The following RP1 variants were observed in gnomAD, a reference collection of about 807,000 sequenced individuals.
The protein encoded by RP1 is RP1 axonemal microtubule associated.
A neutral mutation model predicts 14.8 loss-of-function variants in RP1; 16 were observed. The observed-to-expected ratio is 1.08, with a 90% CI of 0.73 to 1.65. The LOEUF (loss-of-function observed/expected upper bound fraction) is 1.65, where lower values mean the gene tolerates loss of function less well. RP1 is among the 40% of genes most tolerant of loss of function. The pLI, the probability that RP1 is intolerant of heterozygous loss-of-function variation, is 0.00. For synonymous variants in RP1, 876 were observed against 883.6 expected (o/e 0.99, Z 0.15); for missense variants, 2,631 against 2,535.0 (o/e 1.04, Z -0.81).
intron 16 of RP1, among the ~76,000 whole-genome samples, chr8:54,721,105 G>A (rs1808525222): frequency 6.6e-6 from 1 of 152,182 alleles, no homozygotes; most frequent in Non-Finnish European, 1.5e-5. Context: ...AGATAGCTTA[G>A]AATAGGAATA....
At chr8:54,784,754 A>C (rs1001435031) in intron 24 of RP1, among the ~76,000 whole-genome samples, 11 of 152,094 alleles carry the variant, frequency 7.2e-5, no homozygotes, top group Admixed American at 2.0e-4. Context: ...GCCATACAAC[A>C]TATTTAATAA....
In RP1 at chr8:54,629,226, G is replaced by T; in HGVS notation, c.5344G>T (p.Glu1782Ter). 1 of 1,614,060 alleles carries T rather than the reference G, an allele frequency of 6.2e-7. No individual in the cohort carries two copies. The highest frequency in any genetic ancestry group is 8.5e-7 in the Non-Finnish European group (1 of 1,179,946). ...VDTLLDNNSSEVPYSHFGNLA... is the reference protein window; with the variant it reads ...VDTLLDNNSS Reference sequence around the variant, plus strand: ...CACCCTACTTGATAATAACAGCAGTGAGGTACCATATTCACATTTTGGTAA... The same window carrying T: ...CACCCTACTTGATAATAACAGCAGTTAGGTACCATATTCACATTTTGGTAA... The change falls in exon 4 of 4, where the codon GAG becomes TAG. Residue 1782 changes from glutamate to a stop codon, truncating the protein, a stop_gained. Transcript: ENST00000220676. LOFTEE classifies it low-confidence loss of function (END_TRUNC).
intron 24 of RP1, among the ~76,000 whole-genome samples, chr8:54,834,706 T>C (rs778054850): frequency 5.9e-5 from 9 of 151,988 alleles, no homozygotes; most frequent in Non-Finnish European, 1.0e-4. Context: ...TTGCTTCCTT[T>C]TAAAATTTAC....
chr8:54,722,606 A>G (rs1259076732), intron 16 of RP1, among the ~76,000 whole-genome samples: 1 of 152,108 alleles, frequency 6.6e-6, no homozygotes, highest in Non-Finnish European at 1.5e-5. Flanking sequence ...TCACTCCCCA[A>G]AACATTTGGG....
chr8:54,705,424 G>GCTTCCCGAGCCTTGGTATTCAGAGT (rs1406383380), intron 14 of RP1, among the ~76,000 whole-genome samples: 2 of 152,154 alleles, frequency 1.3e-5, no homozygotes, highest in African/African-American at 4.8e-5. Context: ...AGCCAAGGAA[G>GCTTCCCGAGCCTTGGTATTCAGAGT]CTTCCCGAGC....
intron 12 of RP1, among the ~76,000 whole-genome samples, chr8:54,697,300 A>C (rs556246463): frequency 6.6e-6 from 1 of 152,288 alleles, no homozygotes; most frequent in South Asian, 2.1e-4. Context: ...CATGCCTGTA[A>C]TCCCAGAACT....
chr8:54,807,392 C>T (rs763751539), intron 24 of RP1, among the ~76,000 whole-genome samples: 1 of 152,124 alleles, frequency 6.6e-6, no homozygotes, highest in Non-Finnish European at 1.5e-5. Context: ...TCTTAACTTG[C>T]TAAAACATTC....
chr8:54,559,943 G>T (rs1423429854), intron 1 of RP1, among the ~76,000 whole-genome samples: 1 of 152,236 alleles, frequency 6.6e-6, no homozygotes, highest in Non-Finnish European at 1.5e-5. Context: ...AGTTTAATAT[G>T]ACTCTGTGGT....
intron 1 of RP1, among the ~76,000 whole-genome samples, chr8:54,567,088 C>T (rs1444036427): frequency 1.3e-5 from 2 of 152,156 alleles, no homozygotes; most frequent in Non-Finnish European, 2.9e-5. Context: ...CCTGATGTTC[C>T]TATAGCTGAT....
At chr8:54,634,603 A>T (rs1175260625), downstream of RP1, among the ~76,000 whole-genome samples, 1 of 152,166 alleles carries the variant, frequency 6.6e-6, no homozygotes, top group East Asian at 1.9e-4. Flanking sequence ...TTAAGTGCTA[A>T]GTTATTAAGG....
chr8:54,740,936 T>G (rs1809068134), intron 19 of RP1, among the ~76,000 whole-genome samples: 1 of 151,324 alleles, frequency 6.6e-6, no homozygotes, highest in Non-Finnish European at 1.5e-5. Flanking sequence ...GTCGGGAGGC[T>G]GAGGCAGGAG....
chr8:54,634,060 A>G (rs532654395), downstream of RP1, among the ~76,000 whole-genome samples: 1 of 152,264 alleles, frequency 6.6e-6, no homozygotes, highest in African/African-American at 2.4e-5. Context: ...AAACAAAATG[A>G]CTTTCTATTC....
chr8:54,698,542 A>T (rs1807930479), intron 12 of RP1, among the ~76,000 whole-genome samples: 1 of 152,232 alleles, frequency 6.6e-6, no homozygotes, highest in African/African-American at 2.4e-5. Context: ...TCCTGGGTAT[A>T]TACCCAAAGG....
chr8:54,664,769 C>T (rs532894599), intron 7 of RP1, among the ~76,000 whole-genome samples: 2 of 152,200 alleles, frequency 1.3e-5, no homozygotes, highest in East Asian at 3.9e-4. Flanking sequence ...TGTATGTTCT[C>T]ACTTATAAGT....
chr8:54,666,598 C>A (rs1255331833), intron 7 of RP1, among the ~76,000 whole-genome samples: 1 of 151,974 alleles, frequency 6.6e-6, no homozygotes, highest in Non-Finnish European at 1.5e-5. Context: ...GGGAAGTACC[C>A]ACATGCCTAT....
intron 24 of RP1, among the ~76,000 whole-genome samples, chr8:54,828,529 T>C (rs967890546): frequency 6.6e-6 from 1 of 152,196 alleles, no homozygotes; most frequent in African/African-American, 2.4e-5. Context: ...AGAAGCTTCC[T>C]GAAACCCTCA....
intron 15 of RP1, among the ~76,000 whole-genome samples, chr8:54,709,032 GT>G (rs1808231475): frequency 6.6e-6 from 1 of 152,120 alleles, no homozygotes; most frequent in East Asian, 1.9e-4. Flanking sequence ...TGTGAGCCTG[GT>G]TAAGTATCTC....
intron 18 of RP1, among the ~76,000 whole-genome samples, chr8:54,736,667 TTACC>T: frequency 6.6e-6 from 1 of 152,246 alleles, no homozygotes; most frequent in East Asian, 1.9e-4. Context: ...CTTTAGATTA[TTACC>T]TCAGTGGTGG....
intron 1 of RP1, among the ~76,000 whole-genome samples, chr8:54,597,645 C>G (rs1805179237): frequency 6.6e-6 from 1 of 152,124 alleles, no homozygotes; most frequent in Admixed American, 6.6e-5. Context: ...TAATGAAACT[C>G]AAGTTTCCAC....
Sources: gnomAD v4.1 joint callset for allele counts (sites outside exome capture counted in the v4.1 genomes callset) on GRCh38, gnomAD v4.1.1 for gene constraint, MANE v1.5 for transcripts, NCBI Gene and HGNC (gene_info 2026-07-23, HGNC 2026-07-21) for gene names.